SRPK2: variants seen among roughly 807,000 people sequenced by gnomAD.
SRPK2 encodes SRSF protein kinase 2.
Under a neutral mutation model 90.8 loss-of-function variants are expected in SRPK2, and 21 were observed. The ratio of observed to expected loss-of-function variants is 0.23; its 90% confidence interval spans 0.16 to 0.33. SRPK2 has a LOEUF of 0.33. Among genes scored for constraint, SRPK2 ranks in the 10% least tolerant of loss-of-function variants. The probability of loss-of-function intolerance (pLI) is 1.00; values close to 1 mark genes in which losing one functional copy is unlikely to be tolerated. For missense variants in SRPK2, 620 were observed against 869.0 expected (o/e 0.71, Z 3.60); for synonymous variants, 288 against 311.1 (o/e 0.93, Z 0.78).
intron 2 of SRPK2, among the ~76,000 whole-genome samples, chr7:105,227,039 C>T (rs139568220): frequency 2.6e-4 from 40 of 151,850 alleles, no homozygotes; most frequent in African/African-American, 9.2e-4. Flanking sequence ...GCTTGTGTGT[C>T]ACCAGATTAC....
In SRPK2 at chr7:105,376,848, C is replaced by CT. The variant is rs35855824; in HGVS notation, c.71+11799dup. Among the ~76,000 whole-genome samples, 259 of 99,048 alleles carry CT rather than the reference C, an allele frequency of 2.6e-3. 2 individuals carry two copies. The highest frequency in any genetic ancestry group is 0.015 in the Middle Eastern group (3 of 204). 65.0% of individuals were successfully genotyped at this position (99,048 alleles called of 152,430 possible). A position where few individuals can be genotyped will look rare whatever the true frequency, so the allele number is the denominator to read the frequency against. On this transcript the variant is annotated intron_variant, in intron 2 of 15. Transcript: ENST00000393651. ...CCACCACGCCCGCCCCCCCACCCCCCTTTTTTTTTTAATAAAAAGCACCTT... is the reference window on the plus strand; with the variant it reads ...CCACCACGCCCGCCCCCCCACCCCCCTTTTTTTTTTTAATAAAAAGCACCTT...
chr7:105,323,435 T>C (rs1813167244), intron 2 of SRPK2, among the ~76,000 whole-genome samples: 1 of 152,212 alleles, frequency 6.6e-6, no homozygotes, highest in African/African-American at 2.4e-5. Context: ...AAATTTCAAA[T>C]TTCCAACTAC....
At chr7:105,145,388 G>A in intron 8 of SRPK2, 80 bp from the exon 9 acceptor site, 2 of 1,030,506 alleles carry the variant, frequency 1.9e-6, no homozygotes, top group African/African-American at 1.6e-5. Flanking sequence ...ATTGCAAAGT[G>A]AAATAATTAT....
intron 2 of SRPK2, among the ~76,000 whole-genome samples, chr7:105,364,493 C>A (rs1029843689): frequency 1.3e-5 from 2 of 151,606 alleles, no homozygotes; most frequent in Non-Finnish European, 2.9e-5. Flanking sequence ...CGCCACCTCC[C>A]AGATTCAAGC....
intron 2 of SRPK2, among the ~76,000 whole-genome samples, chr7:105,279,823 C>CTT (rs1807022562): frequency 6.6e-6 from 1 of 152,200 alleles, no homozygotes; most frequent in African/African-American, 2.4e-5. Flanking sequence ...TACCCTGACT[C>CTT]TGTCAAGTAG....
At chr7:105,231,943 GAAC>G (rs1161717231) in intron 2 of SRPK2, among the ~76,000 whole-genome samples, 4 of 152,114 alleles carry the variant, frequency 2.6e-5, no homozygotes, top group Non-Finnish European at 4.4e-5. Flanking sequence ...CTGTAACCTT[GAAC>G]TCCTGGGCTC....
chr7:105,275,797 A>C (rs974128378), intron 2 of SRPK2, among the ~76,000 whole-genome samples: 1 of 152,160 alleles, frequency 6.6e-6, no homozygotes, highest in African/African-American at 2.4e-5. Context: ...CTAGAATCCT[A>C]GGAGTGAGGG....
intron 1 of SRPK2, among the ~76,000 whole-genome samples, chr7:105,395,569 A>C (rs1399576252): frequency 3.9e-5 from 6 of 152,064 alleles, no homozygotes; most frequent in Non-Finnish European, 8.8e-5. Context: ...GTCTCTACTA[A>C]AAATACAAAA....
chr7:105,206,789 T>A (rs556569257), intron 2 of SRPK2, among the ~76,000 whole-genome samples: 1 of 152,228 alleles, frequency 6.6e-6, no homozygotes, highest in Non-Finnish European at 1.5e-5. Flanking sequence ...AATTTTCTAC[T>A]TGCTCAATAT....
chr7:105,279,626 G>A (rs368862725), intron 2 of SRPK2, among the ~76,000 whole-genome samples: 5 of 151,996 alleles, frequency 3.3e-5, no homozygotes, highest in East Asian at 1.9e-4. Flanking sequence ...CCAGTGTTTC[G>A]GTATAAAATT....
intron 6 of SRPK2, among the ~76,000 whole-genome samples, chr7:105,165,789 C>A (rs1230258697): frequency 6.6e-6 from 1 of 152,206 alleles, no homozygotes; most frequent in Non-Finnish European, 1.5e-5. Flanking sequence ...GGGTCCCCTT[C>A]CATGCTGTGG....
chr7:105,383,051 AAATTTTTTT>A (rs1221796955), intron 2 of SRPK2, among the ~76,000 whole-genome samples: 2 of 10,304 alleles, frequency 1.9e-4, no homozygotes, highest in Non-Finnish European at 3.3e-3. Context: ...TCAAAAGTAA[AAATTTTTTT>A]TTTTTTTTTT....
In SRPK2 at chr7:105,148,954, G is replaced by A. The variant is rs529030419; in HGVS notation, c.622-2296C>T. ...AGTCTCAATAAACCAGGGGCACAAT[G>A]CACTGTGGAAAGCTGCAGGGACCTC... On this transcript the variant is annotated intron_variant, in intron 7 of 15. Coordinates refer to ENST00000393651, the MANE Select transcript of SRPK2 (RefSeq NM_182692.3). Among the ~76,000 whole-genome samples, 8 of 152,310 alleles carry A rather than the reference G, an allele frequency of 5.3e-5. No homozygotes were observed. The East Asian group carries it at 1.4e-3, about 26-fold the overall frequency.
chr7:105,338,954 T>C (rs1199068219), intron 2 of SRPK2, among the ~76,000 whole-genome samples: 1 of 152,162 alleles, frequency 6.6e-6, no homozygotes, highest in Non-Finnish European at 1.5e-5. Flanking sequence ...ACCATAATAC[T>C]ACACAACAAA....
intron 2 of SRPK2, among the ~76,000 whole-genome samples, chr7:105,343,294 T>TATG (rs1816041449): frequency 6.6e-6 from 1 of 151,958 alleles, no homozygotes; most frequent in Admixed American, 6.6e-5. Flanking sequence ...ACTAGCCAGG[T>TATG]ATGATGGCAC....
intron 2 of SRPK2, among the ~76,000 whole-genome samples, chr7:105,346,695 T>C (rs571820090): frequency 9.9e-5 from 15 of 151,466 alleles, no homozygotes; most frequent in African/African-American, 3.6e-4. Flanking sequence ...GCAGAGGAGG[T>C]TGCAGTGAGC....
At chr7:105,346,691 G>A (rs1263194377) in intron 2 of SRPK2, among the ~76,000 whole-genome samples, 2 of 151,818 alleles carry the variant, frequency 1.3e-5, no homozygotes, top group African/African-American at 4.8e-5. Context: ...GCAGGCAGAG[G>A]AGGTTGCAGT....
In SRPK2 at chr7:105,274,971, T is replaced by A. The variant is rs1325489012; in HGVS notation, c.72-71186A>T. On this transcript the variant is annotated intron_variant, in intron 2 of 15. Coordinates refer to ENST00000393651, the MANE Select transcript of SRPK2 (RefSeq NM_182692.3). ...GGCGCAATCTCGGCTCACTATAACCTCCGCCTCCCAGGTTCAAGCATTTCT... is the reference window on the plus strand; with the variant it reads ...GGCGCAATCTCGGCTCACTATAACCACCGCCTCCCAGGTTCAAGCATTTCT... Among the ~76,000 whole-genome samples, 7 of 151,868 alleles carry A rather than the reference T, an allele frequency of 4.6e-5. No homozygotes were observed. The East Asian group carries it at 1.4e-3, about 30-fold the overall frequency.
intron 2 of SRPK2, among the ~76,000 whole-genome samples, chr7:105,384,147 TGA>T (rs769632486): frequency 5.3e-5 from 8 of 152,078 alleles, no homozygotes; most frequent in Non-Finnish European, 7.4e-5. Context: ...AAAAAATAAA[TGA>T]AAGAGATATT....
Sources: gnomAD v4.1 joint callset for allele counts (sites outside exome capture counted in the v4.1 genomes callset) on GRCh38, gnomAD v4.1.1 for gene constraint, MANE v1.5 for transcripts, NCBI Gene and HGNC (gene_info 2026-07-23, HGNC 2026-07-21) for gene names.